Variants in CEP70 observed in about 807,000 individuals in gnomAD.
CEP70 encodes the protein centrosomal protein of 70 kDa.
A neutral mutation model predicts 90.9 loss-of-function variants in CEP70; 70 were observed. The ratio of observed to expected loss-of-function variants is 0.77; its 90% confidence interval spans 0.64 to 0.94. The LOEUF is 0.94. Ranked by LOEUF, CEP70 falls within the 40% of genes least tolerant of loss-of-function variation. CEP70 has a pLI of 0.00. For synonymous variants in CEP70, 220 were observed against 228.3 expected, an observed-to-expected ratio of 0.96 and a Z score of 0.33; for missense variants, 648 against 669.0, an observed-to-expected ratio of 0.97 and a Z score of 0.35.
In CEP70 at chr3:138,504,833, C is replaced by A. The variant is rs143649363; in HGVS notation, c.1221+462G>T. On this transcript the variant is annotated intron_variant, in intron 13 of 17. Coordinates refer to ENST00000264982, the MANE Select transcript of CEP70 (RefSeq NM_024491.4). ...AGCAGAAATGGAGATAAGCTCAGTT[C>A]TGAGAGACAGAAAATAAAGTGTGAA... is the stretch of plus-strand genomic sequence containing the variant. Among the ~76,000 whole-genome samples, 260 of 152,108 alleles carry A rather than the reference C, an allele frequency of 1.7e-3. 1 individual carries two copies. The highest frequency in any genetic ancestry group is 5.7e-3 in the African/African-American group (238 of 41,486).
In CEP70 at chr3:138,515,581, T is replaced by C. The variant is rs932247794; in HGVS notation, c.945-7037A>G. ...CATCATCTTGTTTGAAAACTAAACA[T>C]GTGTGTGTTGGGTGACCCAAATTAT... On this transcript the variant is annotated intron_variant, in intron 11 of 17. Coordinates refer to ENST00000264982, the MANE Select transcript of CEP70 (RefSeq NM_024491.4). 3.3e-5 allele frequency among the ~76,000 whole-genome samples: 5 copies of C among 151,312 alleles called. No homozygotes were observed. The East Asian group carries it at 9.7e-4, about 29-fold the overall frequency.
intron 17 of CEP70, chr3:138,497,681 A>G: frequency 1.0e-6 from 1 of 983,596 alleles, no homozygotes; most frequent in African/African-American, 1.7e-5. Context: ...TGGTATCTTA[A>G]GAAAAAAAAA....
chr3:138,518,806 C>T (rs1402247086), intron 11 of CEP70, among the ~76,000 whole-genome samples: 3 of 152,152 alleles, frequency 2.0e-5, no homozygotes, highest in Admixed American at 6.5e-5. Context: ...CAGCTCCTCA[C>T]CAGCAATGGA....
chr3:138,498,501 A>AT (rs2034161268), intron 16 of CEP70, among the ~76,000 whole-genome samples: 1 of 151,186 alleles, frequency 6.6e-6, no homozygotes, highest in South Asian at 2.1e-4. Context: ...CGCCCGACTA[A>AT]TTTTTTGTAT....
chr3:138,536,746 T>TA (rs1409884326), intron 7 of CEP70, among the ~76,000 whole-genome samples: 1,591 of 146,140 alleles, frequency 0.011, 26 homozygotes, highest in African/African-American at 0.037. Context: ...TCAGCTAGGT[T>TA]AAAAAAAAAA....
chr3:138,572,805 G>C, intron 3 of CEP70, 54 bp downstream of exon 3: 1 of 1,114,882 alleles, frequency 9.0e-7, no homozygotes, highest in Non-Finnish European at 1.4e-6. Context: ...TGTAGATGTA[G>C]CATTCTTTGG....
At chr3:138,585,815 G>A (rs2042078916) in intron 2 of CEP70, among the ~76,000 whole-genome samples, 1 of 152,122 alleles carries the variant, frequency 6.6e-6, no homozygotes, top group Admixed American at 6.6e-5. Context: ...AATGAATGGT[G>A]CTGGGATATC....
At position 138,571,220 on chromosome 3, in the gene CEP70, A is replaced by G. The variant is rs190932242; in HGVS notation, c.160+46T>C. ...AAAAGGCAAAAAAAATTTTTTAAGG[A>G]AAAATAAACTTTTTACCTTAAGCAT... On this transcript the variant is annotated intron_variant, in intron 4 of 17. Transcript: ENST00000264982. 1,384 of 1,561,706 alleles carry G rather than the reference A, an allele frequency of 8.9e-4. 8 individuals are homozygous for G. The African/African-American group carries it at 0.017, about 20-fold the overall frequency.
At chr3:138,558,739 A>G (rs931288598) in intron 6 of CEP70, among the ~76,000 whole-genome samples, 2 of 152,182 alleles carry the variant, frequency 1.3e-5, no homozygotes, top group African/African-American at 4.8e-5. Flanking sequence ...GTAAAATAAC[A>G]CCACAGTAGA....
intron 6 of CEP70, among the ~76,000 whole-genome samples, chr3:138,549,046 G>A (rs891685562): frequency 3.9e-5 from 6 of 152,110 alleles, no homozygotes; most frequent in Admixed American, 2.0e-4. Context: ...AATGGGAAAA[G>A]CCCTGTGGGC....
At chr3:138,554,259 A>G (rs777470412) in intron 6 of CEP70, among the ~76,000 whole-genome samples, 2 of 152,086 alleles carry the variant, frequency 1.3e-5, no homozygotes, top group African/African-American at 4.8e-5. Flanking sequence ...GAATCAGCAT[A>G]CAAGGGACAT....
intron 2 of CEP70, among the ~76,000 whole-genome samples, chr3:138,576,926 C>T (rs2041566508): frequency 6.6e-6 from 1 of 152,100 alleles, no homozygotes; most frequent in African/African-American, 2.4e-5. Flanking sequence ...CACAACATAC[C>T]AGAATCTTGG....
At chr3:138,518,349 C>T (rs755428187) in intron 11 of CEP70, among the ~76,000 whole-genome samples, 1 of 152,164 alleles carries the variant, frequency 6.6e-6, no homozygotes, top group Non-Finnish European at 1.5e-5. Flanking sequence ...TCTCCCAGCT[C>T]GCAGCTGGAG....
chr3:138,573,729 C>T (rs2041335227), intron 2 of CEP70, among the ~76,000 whole-genome samples: 1 of 152,110 alleles, frequency 6.6e-6, no homozygotes, highest in African/African-American at 2.4e-5. Context: ...AATTAAAATG[C>T]ACAGTAACAG....
At position 138,525,554 on chromosome 3, in the gene CEP70, G is replaced by GT; in HGVS notation, c.879_880insA (p.His294ThrfsTer2). On this transcript the variant is annotated frameshift_variant, in exon 11 of 18. Transcript: ENST00000264982. LOFTEE classifies it high-confidence loss of function. The stretch of plus-strand genomic sequence containing the variant: ...TGCTGTTTATAAAGTCTTAATTCAT[G>GT]CTGCGTAGGCCTGTGGAAAATAAAT... 1 of 1,389,570 alleles carries GT rather than the reference G, an allele frequency of 7.2e-7. No homozygotes were observed. Among genetic ancestry groups the GT allele is most frequent in the South Asian group, 2.0e-5 (1 of 49,402 alleles). The allele number at this position is 1,389,570 out of a possible 1,614,324, so 86.1% of individuals were successfully genotyped here. A position where few individuals can be genotyped will look rare whatever the true frequency, so the allele number is the denominator to read the frequency against.
intron 6 of CEP70, among the ~76,000 whole-genome samples, chr3:138,562,463 G>C (rs528472595): frequency 6.6e-6 from 1 of 152,130 alleles, no homozygotes; most frequent in Non-Finnish European, 1.5e-5. Context: ...CAGAGAAAAA[G>C]GTTGGGGTTA....
In CEP70 at chr3:138,579,089, G is replaced by A. The variant is rs140792374; in HGVS notation, c.-5-6157C>T. On this transcript the variant is annotated intron_variant, in intron 2 of 17. Transcript: ENST00000264982. ...GTGCACTTAGGGGAAGTAAAGTGCA[G>A]TGACTGTGGAACTTTGCATTGAAAG... Among the ~76,000 whole-genome samples the A allele has an allele frequency of 5.6e-3, 859 of 152,320 alleles. 7 individuals carry two copies. Among genetic ancestry groups the A allele is most frequent in the African/African-American group, 0.02 (827 of 41,582 alleles).
intron 14 of CEP70, 61 bp downstream of exon 14, chr3:138,500,674 C>A: frequency 6.7e-7 from 1 of 1,493,580 alleles, no homozygotes; most frequent in Non-Finnish European, 9.0e-7. Flanking sequence ...TATCAATATC[C>A]ACAATTTATC....
At chr3:138,544,618 G>A (rs1276396698) in intron 6 of CEP70, among the ~76,000 whole-genome samples, 1 of 151,852 alleles carries the variant, frequency 6.6e-6, no homozygotes, top group Non-Finnish European at 1.5e-5. Flanking sequence ...CTTGTTTATT[G>A]CAGCACTATT....
Sources: gnomAD v4.1 joint callset for allele counts (sites outside exome capture counted in the v4.1 genomes callset) on GRCh38, gnomAD v4.1.1 for gene constraint, MANE v1.5 for transcripts, NCBI Gene and HGNC (gene_info 2026-07-23, HGNC 2026-07-21) for gene names.